The following TNFRSF9 variants were observed in gnomAD, a reference collection of about 807,000 sequenced individuals.
TNFRSF9 encodes the protein tumor necrosis factor receptor superfamily member 9.
A neutral mutation model predicts 28.8 loss-of-function variants in TNFRSF9; 16 were observed. The observed-to-expected ratio is 0.55, with a 90% CI of 0.38 to 0.84. The LOEUF (loss-of-function observed/expected upper bound fraction) is 0.84. Ranked by LOEUF, TNFRSF9 falls within the 40% of genes least tolerant of loss-of-function variation. The pLI, the probability that TNFRSF9 is intolerant of heterozygous loss-of-function variation, is 0.00. For synonymous variants in TNFRSF9, 131 were observed against 117.0 expected (o/e 1.12, Z -0.77); for missense variants, 303 against 315.0 (o/e 0.96, Z 0.29).
intron 7 of TNFRSF9, among the ~76,000 whole-genome samples, chr1:7,925,240 G>A (rs1356801832): frequency 6.6e-6 from 1 of 151,790 alleles, no homozygotes; most frequent in Non-Finnish European, 1.5e-5. Flanking sequence ...CCTGGGAGGT[G>A]CAGGCTGCAG....
intron 7 of TNFRSF9, among the ~76,000 whole-genome samples, chr1:7,922,898 T>C (rs111326038): frequency 2.5e-5 from 3 of 120,678 alleles, no homozygotes; most frequent in African/African-American, 1.2e-4. Flanking sequence ...TACAAACTTC[T>C]TTTTTTTTTC....
rs758956577 is a variant in TNFRSF9, at chr1:7,938,753, T to C, written c.176A>G (p.Gln59Arg). Residue 59 changes from glutamine (Q) to arginine (R), a missense_variant, in exon 3 of 8, where the codon CAA becomes CGA. Gln to Arg is a conservative substitution (Grantham distance 43, BLOSUM62 1). Coordinates refer to ENST00000377507, the MANE Select transcript of TNFRSF9 (RefSeq NM_001561.6). ...PPNSFSSAGG[Q>R]RTCDICRQCK... is the part of the protein sequence containing the mutation. Reference sequence around the variant, plus strand: ...CTGCCTGCATATGTCACAGGTCCTTTGTCCACCTGCGCTGGAGAAACTATT... The same window carrying C: ...CTGCCTGCATATGTCACAGGTCCTTCGTCCACCTGCGCTGGAGAAACTATT... 11 of 1,613,650 alleles carry C rather than the reference T, an allele frequency of 6.8e-6. No individual in the cohort carries two copies. The highest frequency in any genetic ancestry group is 9.3e-6 in the Non-Finnish European group (11 of 1,179,678).
At chr1:7,933,095 A>G (rs1639758210) in intron 7 of TNFRSF9, 67 bp downstream of exon 7, 1 of 1,524,752 alleles carries the variant, frequency 6.6e-7, no homozygotes, top group African/African-American at 1.4e-5. Context: ...TTTTAAAATC[A>G]TATTTTCCTT....
At chr1:7,922,895 T>C (rs1558528323) in intron 7 of TNFRSF9, among the ~76,000 whole-genome samples, 1 of 141,906 alleles carries the variant, frequency 7.0e-6, no homozygotes, top group Non-Finnish European at 1.5e-5. Flanking sequence ...GACTACAAAC[T>C]TCTTTTTTTT....
chr1:7,940,116 T>G, intron 1 of TNFRSF9, 38 bp from the exon 2 acceptor site: 17 of 654,648 alleles, frequency 2.6e-5, no homozygotes, highest in Non-Finnish European at 3.2e-5. Flanking sequence ...AGGTGGTTTC[T>G]CCTTTCAAAA....
chr1:7,935,173 T>A, intron 5 of TNFRSF9, 30 bp from the exon 6 acceptor site: 1 of 1,605,478 alleles, frequency 6.2e-7, no homozygotes, highest in South Asian at 1.1e-5. Flanking sequence ...ATAATTTAAA[T>A]AATTAACTTA....
At chr1:7,928,366 T>C (rs1286457563) in intron 7 of TNFRSF9, among the ~76,000 whole-genome samples, 1 of 152,166 alleles carries the variant, frequency 6.6e-6, no homozygotes, top group Non-Finnish European at 1.5e-5. Context: ...TTATATGTAA[T>C]AGTCAAAACA....
intron 3 of TNFRSF9, among the ~76,000 whole-genome samples, 166 bp downstream of exon 3, chr1:7,938,555 A>G (rs1639855611): frequency 2.0e-5 from 3 of 152,248 alleles, no homozygotes. Flanking sequence ...AGCTCAGTCC[A>G]CAAATAATTG....
chr1:7,920,710 T>G lies in TNFRSF9; in HGVS notation c.*125A>C. The G allele has an allele frequency of 2.7e-6, 2 of 739,720 alleles. No homozygotes were observed. The highest frequency in any genetic ancestry group is 4.6e-6 in the Non-Finnish European group (2 of 436,996). 45.8% of individuals were successfully genotyped at this position (739,720 alleles called of 1,614,324 possible). On this transcript the variant is annotated 3_prime_UTR_variant, in exon 8 of 8. Coordinates refer to ENST00000377507, the MANE Select transcript of TNFRSF9 (RefSeq NM_001561.6). ...ACTCATTGGCATTTAGAAAAGAACG[T>G]GTGTTGGGGGAATCCTGGGTATTAT...
At chr1:7,924,011 CAA>C (rs1639599856) in intron 7 of TNFRSF9, among the ~76,000 whole-genome samples, 2 of 152,074 alleles carry the variant, frequency 1.3e-5, no homozygotes, top group South Asian at 4.2e-4. Context: ...ACGTTTTGGT[CAA>C]AAACAGACTG....
intron 6 of TNFRSF9, among the ~76,000 whole-genome samples, chr1:7,934,123 C>G (rs780972224): frequency 6.6e-6 from 1 of 152,202 alleles, no homozygotes; most frequent in Non-Finnish European, 1.5e-5. Context: ...TGCCTGTAAT[C>G]CCAACACTTT....
In TNFRSF9 at chr1:7,916,258, A is replaced by T. The variant is rs1004513905; in HGVS notation, c.*4577T>A. On this transcript the variant is annotated 3_prime_UTR_variant, in exon 8 of 8. Coordinates refer to ENST00000377507, the MANE Select transcript of TNFRSF9 (RefSeq NM_001561.6). Reference sequence around the variant, plus strand: ...AGAAATTTACATTTATTTCTATTAAACCTAATTATGGAACTTTCTAAATTA... The same window carrying T: ...AGAAATTTACATTTATTTCTATTAATCCTAATTATGGAACTTTCTAAATTA... The T allele has an allele frequency of 6.6e-6, 1 of 152,244 alleles. No individual in the cohort carries two copies. The highest frequency in any genetic ancestry group is 1.5e-5 in the Non-Finnish European group (1 of 68,048). 9.4% of individuals were successfully genotyped at this position (152,244 alleles called of 1,614,324 possible).
rs1639545365 is a variant in TNFRSF9 at position 7,920,845 on chromosome 1, C to T, written c.758G>A (p.Cys253Tyr). ...CRFPEEEEGG[C>Y]EL ...CTATTGACTTCCATTTCACAGTTCA[C>T]ATCCTCCTTCTTCTTCTTCTGGAAA... The change falls in exon 8 of 8, where the codon TGT (cysteine) becomes TAT (tyrosine). Residue 253 changes from cysteine (C) to tyrosine (Y), a missense_variant. Coordinates refer to ENST00000377507, the MANE Select transcript of TNFRSF9 (RefSeq NM_001561.6). 1.2e-6 allele frequency: 2 copies of T among 1,613,280 alleles called. No individual in the cohort carries two copies. The highest frequency in any genetic ancestry group is 2.2e-5 in the East Asian group (1 of 44,870).
rs374970022 is a variant in TNFRSF9, at chr1:7,934,983, C to T, written c.544+30G>A. 22 of 1,611,684 alleles carry T rather than the reference C, an allele frequency of 1.4e-5. No homozygotes were observed. In the African/African-American group the frequency reaches 2.9e-4, roughly 22 times the overall value. ...CAATCTGGAATCACCATAAGATACGCACTTTGGCGTAAAGGCATAGCCCAG... is the reference window on the plus strand; with the variant it reads ...CAATCTGGAATCACCATAAGATACGTACTTTGGCGTAAAGGCATAGCCCAG... On this transcript the variant is annotated intron_variant, in intron 6 of 7. Coordinates refer to ENST00000377507, the MANE Select transcript of TNFRSF9 (RefSeq NM_001561.6).
At chr1:7,938,106 C>T (rs1639848822) in intron 4 of TNFRSF9, 87 bp downstream of exon 4, 1 of 1,278,498 alleles carries the variant, frequency 7.8e-7, no homozygotes. Flanking sequence ...TTCTACAAAT[C>T]TGTTTGTTTA....
rs1238435280 is a variant in TNFRSF9 at position 7,924,294 on chromosome 1, C to CATATGTATAT, written c.680-3372_680-3371insATATACATAT. On this transcript the variant is annotated intron_variant, in intron 7 of 7. Coordinates refer to ENST00000377507, the MANE Select transcript of TNFRSF9 (RefSeq NM_001561.6). The stretch of plus-strand genomic sequence containing the variant: ...TTTATAGTTATTTCATAGTATATTC[C>CATATGTATAT]ATATATATATATATATATATATATA... 2.6e-4 allele frequency among the ~76,000 whole-genome samples: 34 copies of CATATGTATAT among 130,020 alleles called. 1 individual carries two copies. The highest frequency in any genetic ancestry group is 9.4e-4 in the African/African-American group (33 of 35,086). 85.3% of individuals were successfully genotyped at this position (130,020 alleles called of 152,430 possible).
chr1:7,920,919 A>G lies in TNFRSF9; in HGVS notation c.684T>C (p.Phe228=), dbSNP rs1451970558. The change falls in exon 8 of 8, where the codon TTT becomes TTC. Residue 228 remains phenylalanine (F), a synonymous_variant. Coordinates refer to ENST00000377507, the MANE Select transcript of TNFRSF9 (RefSeq NM_001561.6). ...CTTGAGTAGTTTGTACTGGTCTCAT[A>G]AATGCTAAAAAAAAAATTTTAAGAT... The part of the protein sequence containing the change: ...KKLLYIFKQP[F]MRPVQTTQEE... 4.4e-6 allele frequency: 7 copies of G among 1,608,458 alleles called. No homozygotes were observed. The East Asian group carries it at 1.6e-4, about 36-fold the overall frequency.
intron 7 of TNFRSF9, among the ~76,000 whole-genome samples, chr1:7,927,117 A>G (rs1278947941): frequency 2.0e-5 from 3 of 152,020 alleles, no homozygotes; most frequent in Non-Finnish European, 4.4e-5. Context: ...GACGTGACCA[A>G]CTCAACATTC....
intron 3 of TNFRSF9, 126 bp from the exon 4 acceptor site, chr1:7,938,456 T>A: frequency 1.8e-6 from 2 of 1,109,294 alleles, no homozygotes; most frequent in Non-Finnish European, 2.5e-6. Flanking sequence ...TTTTAAAGTT[T>A]ACTTTTAAAT....
Sources: gnomAD v4.1 joint callset for allele counts (sites outside exome capture counted in the v4.1 genomes callset) on GRCh38, gnomAD v4.1.1 for gene constraint, MANE v1.5 for transcripts, NCBI Gene and HGNC (gene_info 2026-07-23, HGNC 2026-07-21) for gene names.